The following SERPINE3 variants were observed in gnomAD, a reference collection of about 807,000 sequenced individuals.
The protein encoded by SERPINE3 is serpin family E member 3, also known as serpin E3.
A neutral mutation model predicts 41.7 loss-of-function variants in SERPINE3; 43 were observed. The ratio of observed to expected loss-of-function variants is 1.03; its 90% confidence interval spans 0.81 to 1.33. The LOEUF is 1.33. Among genes scored for constraint, SERPINE3 ranks in the 40% most tolerant of loss-of-function variants. The probability of loss-of-function intolerance (pLI) is 0.00; values close to 1 mark genes in which losing one functional copy is unlikely to be tolerated. For missense variants in SERPINE3, 440 were observed against 491.7 expected (o/e 0.89, Z 0.99); for synonymous variants, 200 against 192.2 (o/e 1.04, Z -0.34).
chr13:51,346,785 CA>C (rs1177425971), intron 4 of SERPINE3, among the ~76,000 whole-genome samples: 3 of 152,282 alleles, frequency 2.0e-5, no homozygotes, highest in Non-Finnish European at 4.4e-5. Flanking sequence ...CAACAGTCCC[CA>C]AAAGTTGAGA....
chr13:51,351,090 C>A (rs1955398360), intron 6 of SERPINE3, among the ~76,000 whole-genome samples: 1 of 152,088 alleles, frequency 6.6e-6, no homozygotes, highest in Admixed American at 6.6e-5. Context: ...CTTGTTTTAA[C>A]TTCTTGGCCA....
At chr13:51,359,065 A>T (rs182151285) in intron 7 of SERPINE3, among the ~76,000 whole-genome samples, 1 of 152,216 alleles carries the variant, frequency 6.6e-6, no homozygotes, top group Non-Finnish European at 1.5e-5. Context: ...CATATAATTA[A>T]TCATGGAACC....
Position 51,348,230 on chromosome 13 carries a change from G to T in SERPINE3, c.718G>T (p.Ala240Ser). The T allele has an allele frequency of 7.5e-6, 12 of 1,593,936 alleles. No homozygotes were observed. Among genetic ancestry groups the T allele is most frequent in the Non-Finnish European group, 1.0e-5 (12 of 1,169,952 alleles). The change falls in exon 6 of 10, where the codon GCA becomes TCA. Residue 240 changes from alanine to serine, a missense_variant. Coordinates refer to ENST00000681248, the MANE Select transcript of SERPINE3 (RefSeq NM_001386375.1). ...ACCCTCAGGTCAGTTCCAGGACACT[G>T]CAGGCCATCAGGTGGGGGTGCTGGA... is the stretch of plus-strand genomic sequence containing the variant. ...EVNYGQFQDT[A>S]GHQVGVLELP... is the part of the protein sequence containing the mutation.
At chr13:51,362,052 G>A in intron 9 of SERPINE3, 159 bp downstream of exon 9, 1 of 1,580,030 alleles carries the variant, frequency 6.3e-7, no homozygotes, top group Non-Finnish European at 8.5e-7. Context: ...TCCTAAGAAA[G>A]GGGACTATTT....
rs1316432001 is a variant in SERPINE3 at position 51,347,161 on chromosome 13, C to T, written c.627C>T (p.Ile209=). 6.2e-7 allele frequency: 1 copy of T among 1,613,878 alleles called. No individual in the cohort carries two copies. The change falls in exon 5 of 10, where the codon ATC becomes ATT. Residue 209 remains isoleucine (I), a synonymous_variant. Coordinates refer to ENST00000681248, the MANE Select transcript of SERPINE3 (RefSeq NM_001386375.1). The stretch of plus-strand genomic sequence containing the variant: ...GATTCTCCTCCACAGACACACAGAT[C>T]CTGCCTTTCACCTGTGCCTATGGCC... The part of the protein sequence containing the change: ...RKRFSSTDTQ[I]LPFTCAYGLV...
chr13:51,361,365 G>A lies in SERPINE3; in HGVS notation c.1087+1G>A. ...GGCACCAAGGCATCTGGAGCCACAG[G>A]TATGTTCAGAGAATACCCAGTCACA... On this transcript the variant is annotated splice_donor_variant, in intron 8 of 9. Transcript: ENST00000681248. LOFTEE classifies it high-confidence loss of function. The A allele has an allele frequency of 6.3e-7, 1 of 1,595,082 alleles. No homozygotes were observed. The highest frequency in any genetic ancestry group is 8.6e-7 in the Non-Finnish European group (1 of 1,164,874).
intron 7 of SERPINE3, among the ~76,000 whole-genome samples, chr13:51,355,422 C>T (rs1259849441): frequency 6.6e-6 from 1 of 152,102 alleles, no homozygotes; most frequent in East Asian, 1.9e-4. Context: ...TCCCTCTAAC[C>T]GTCATGACTA....
intron 4 of SERPINE3, among the ~76,000 whole-genome samples, chr13:51,345,592 CAAAAAAAA>C (rs753888958): frequency 5.4e-5 from 2 of 37,042 alleles, no homozygotes; most frequent in African/African-American, 1.8e-4. Context: ...GATTTCATCT[CAAAAAAAA>C]AAAAAAAAAA....
intron 6 of SERPINE3, among the ~76,000 whole-genome samples, chr13:51,352,415 T>C (rs1440796152): frequency 1.3e-5 from 2 of 152,102 alleles, no homozygotes. Context: ...CAATTGATTT[T>C]TGTATCTTAA....
chr13:51,350,079 A>T (rs1206990772), intron 6 of SERPINE3, among the ~76,000 whole-genome samples: 1 of 152,166 alleles, frequency 6.6e-6, no homozygotes. Flanking sequence ...CAAATCACTC[A>T]TTCTTCTTTT....
chr13:51,360,287 C>T (rs1955551489), intron 7 of SERPINE3, among the ~76,000 whole-genome samples: 1 of 151,652 alleles, frequency 6.6e-6, no homozygotes, highest in Admixed American at 6.6e-5. Flanking sequence ...AGCTGACTAG[C>T]ATACACTTTC....
intron 3 of SERPINE3, among the ~76,000 whole-genome samples, chr13:51,342,903 A>G (rs1245751823): frequency 6.6e-6 from 1 of 152,194 alleles, no homozygotes; most frequent in Non-Finnish European, 1.5e-5. Context: ...AGGCTGATTC[A>G]TGAGATCAAG....
intron 7 of SERPINE3, among the ~76,000 whole-genome samples, chr13:51,356,290 T>C (rs1279660654): frequency 6.6e-6 from 1 of 151,992 alleles, no homozygotes; most frequent in Non-Finnish European, 1.5e-5. Context: ...AAACAGAAAC[T>C]TTCCTTACTG....
At chr13:51,340,122 T>C (rs1389705543) in intron 1 of SERPINE3, among the ~76,000 whole-genome samples, 1 of 152,026 alleles carries the variant, frequency 6.6e-6, no homozygotes, top group African/African-American at 2.4e-5. Flanking sequence ...AGAGAGTGAG[T>C]GTGAGCGTGA....
At chr13:51,354,948 G>T in intron 6 of SERPINE3, 95 bp from the exon 7 acceptor site, 1 of 663,590 alleles carries the variant, frequency 1.5e-6, no homozygotes, top group South Asian at 1.9e-5. Context: ...GAGCCAGCCT[G>T]ACTTCCAAGT....
chr13:51,355,831 T>C (rs1955472850), intron 7 of SERPINE3, among the ~76,000 whole-genome samples: 1 of 152,188 alleles, frequency 6.6e-6, no homozygotes, highest in Non-Finnish European at 1.5e-5. Context: ...TATTGCCAAC[T>C]CAAAGGCTCA....
At position 51,347,086 on chromosome 13, in the gene SERPINE3, TC is replaced by T. The variant is rs1955355012; in HGVS notation, c.553del (p.Gln185SerfsTer5). 3 of 1,607,328 alleles carry T rather than the reference TC, an allele frequency of 1.9e-6. No individual in the cohort carries two copies. Among genetic ancestry groups the T allele is most frequent in the Non-Finnish European group, 2.5e-6 (3 of 1,177,032 alleles). On this transcript the variant is annotated frameshift_variant, in exon 5 of 10. Transcript: ENST00000681248. LOFTEE classifies it high-confidence loss of function. Reference sequence around the variant, plus strand: ...GGGAGCAAGTCAGTGCAGCATTTGCTCAGCTTGTGCTTGTGAGCACCATGTC... The same window carrying T: ...GGGAGCAAGTCAGTGCAGCATTTGCTAGCTTGTGCTTGTGAGCACCATGTC... The part of the protein sequence containing the change: ...PWEQVSAAFA[Q>X]LVLVSTMSFQ...
At chr13:51,362,243 TTTC>T (rs1955593101) in intron 9 of SERPINE3, 2 of 420,104 alleles carry the variant, frequency 4.8e-6, no homozygotes, top group African/African-American at 4.2e-5. Flanking sequence ...GTCCCCTAGC[TTTC>T]TTATCATTTT....
chr13:51,353,823 C>T (rs909212008), intron 6 of SERPINE3, among the ~76,000 whole-genome samples: 1 of 152,106 alleles, frequency 6.6e-6, no homozygotes, highest in African/African-American at 2.4e-5. Context: ...TTTTACTCTC[C>T]TGCAAGTTCT....
Sources: gnomAD v4.1 joint callset for allele counts (sites outside exome capture counted in the v4.1 genomes callset) on GRCh38, gnomAD v4.1.1 for gene constraint, MANE v1.5 for transcripts, NCBI Gene and HGNC (gene_info 2026-07-23, HGNC 2026-07-21) for gene names.